SLC24A2: variants seen among roughly 807,000 people sequenced by gnomAD.
The protein encoded by SLC24A2 is sodium/potassium/calcium exchanger 2.
In SLC24A2, 36 loss-of-function variants were observed where a neutral mutation model predicts 62.0. The observed-to-expected ratio is 0.58, with a 90% CI of 0.44 to 0.77. The LOEUF (loss-of-function observed/expected upper bound fraction) is 0.77, where lower values mean the gene tolerates loss of function less well. Among genes scored for constraint, SLC24A2 ranks in the 30% least tolerant of loss-of-function variants. SLC24A2 has a pLI of 0.00. For missense variants in SLC24A2, 846 were observed against 817.9 expected (o/e 1.03, Z -0.42); for synonymous variants, 358 against 294.0 (o/e 1.22, Z -2.23).
the SLC24A2 span, among the ~76,000 whole-genome samples, chr9:20,101,674 C>A: frequency 6.6e-6 from 1 of 152,082 alleles, no homozygotes; most frequent in Non-Finnish European, 1.5e-5. Context: ...CCTGACCTTT[C>A]CCTTTGGGAA....
At chr9:19,525,476 T>A (rs1313891993) in intron 9 of SLC24A2, among the ~76,000 whole-genome samples, 3 of 147,216 alleles carry the variant, frequency 2.0e-5, no homozygotes, top group Non-Finnish European at 4.5e-5. Flanking sequence ...TGATCTTGGC[T>A]CATTGCAGCC....
chr9:20,001,585 C>T, the SLC24A2 span, among the ~76,000 whole-genome samples: 1 of 152,150 alleles, frequency 6.6e-6, no homozygotes, highest in African/African-American at 2.4e-5. Context: ...TCTCAGTCCA[C>T]CCTCCACTGG....
chr9:19,855,356 G>C, the SLC24A2 span, among the ~76,000 whole-genome samples: 1 of 152,058 alleles, frequency 6.6e-6, no homozygotes, highest in African/African-American at 2.4e-5. Flanking sequence ...TTATTTTGCA[G>C]ACTTGTTAAT....
chr9:19,779,593 A>G (rs1464555755), intron 2 of SLC24A2, among the ~76,000 whole-genome samples: 4 of 152,234 alleles, frequency 2.6e-5, no homozygotes, highest in African/African-American at 9.6e-5. Context: ...ATGAATGTAC[A>G]TCAGGAATAG....
chr9:20,242,764 G>T, the SLC24A2 span, among the ~76,000 whole-genome samples: 2 of 152,168 alleles, frequency 1.3e-5, no homozygotes, highest in Non-Finnish European at 2.9e-5. Context: ...AGGAAACATT[G>T]CTCCATTAAT....
chr9:19,992,057 T>C, the SLC24A2 span, among the ~76,000 whole-genome samples: 2 of 152,254 alleles, frequency 1.3e-5, no homozygotes, highest in Admixed American at 1.3e-4. Context: ...TGTCTTATTC[T>C]GTCCTCTAGG....
chr9:19,984,620 C>T, the SLC24A2 span, among the ~76,000 whole-genome samples: 2 of 152,136 alleles, frequency 1.3e-5, no homozygotes, highest in Non-Finnish European at 2.9e-5. Flanking sequence ...GCAGGAGAAT[C>T]TCTGGAACCC....
intron 2 of SLC24A2, among the ~76,000 whole-genome samples, chr9:19,772,787 T>C (rs528023671): frequency 3.9e-5 from 6 of 152,178 alleles, no homozygotes; most frequent in Non-Finnish European, 5.9e-5. Context: ...CAGTTGGCAG[T>C]TCCTCAAAAT....
the SLC24A2 span, among the ~76,000 whole-genome samples, chr9:20,153,049 A>G: frequency 6.6e-6 from 1 of 151,980 alleles, no homozygotes; most frequent in Non-Finnish European, 1.5e-5. Flanking sequence ...AACATTTAAA[A>G]GCAACACATG....
intron 8 of SLC24A2, among the ~76,000 whole-genome samples, chr9:19,548,250 G>C (rs1461420161): frequency 6.8e-6 from 1 of 147,476 alleles, no homozygotes; most frequent in Non-Finnish European, 1.5e-5. Flanking sequence ...TATTCCAAGT[G>C]CTTTTAGAAA....
the SLC24A2 span, among the ~76,000 whole-genome samples, chr9:20,285,394 G>A: frequency 1.3e-5 from 2 of 152,322 alleles, no homozygotes; most frequent in South Asian, 4.1e-4. Context: ...ACCAAGGAAG[G>A]CAATTTAATT....
chr9:19,837,555 A>G, the SLC24A2 span, among the ~76,000 whole-genome samples: 1 of 146,108 alleles, frequency 6.8e-6, no homozygotes, highest in African/African-American at 2.5e-5. Context: ...ACAGTGTTGG[A>G]AGTTCTGGCC....
intron 2 of SLC24A2, among the ~76,000 whole-genome samples, chr9:19,731,516 C>CTCTCTCTCCGT (rs72153360): frequency 1.8e-5 from 2 of 113,710 alleles, no homozygotes; most frequent in African/African-American, 5.2e-5. Context: ...TCTCTCTCTC[C>CTCTCTCTCCGT]GTGTGTGTGT....
At chr9:19,619,742 T>A (rs375152848) in intron 3 of SLC24A2, 50 bp from the exon 4 acceptor site, 1 of 1,381,250 alleles carries the variant, frequency 7.2e-7, no homozygotes, top group Non-Finnish European at 1.0e-6. Context: ...GAAAGACAAG[T>A]GCATTATAGA....
intron 2 of SLC24A2, among the ~76,000 whole-genome samples, chr9:19,741,520 C>A (rs1299148928): frequency 6.6e-6 from 1 of 152,158 alleles, no homozygotes; most frequent in Admixed American, 6.6e-5. Flanking sequence ...CCTCAAGTTT[C>A]CATGTTTTAA....
At chr9:20,109,547 T>C in the SLC24A2 span, among the ~76,000 whole-genome samples, 1 of 152,098 alleles carries the variant, frequency 6.6e-6, no homozygotes, top group Non-Finnish European at 1.5e-5. Flanking sequence ...GGGTACTGAG[T>C]TCCTAATGAA....
chr9:19,953,391 C>G, the SLC24A2 span, among the ~76,000 whole-genome samples: 4 of 152,122 alleles, frequency 2.6e-5, no homozygotes, highest in African/African-American at 9.6e-5. Context: ...CATGGCAGAT[C>G]TGAGAAACAC....
At chr9:19,966,632 A>G in the SLC24A2 span, among the ~76,000 whole-genome samples, 3 of 152,224 alleles carry the variant, frequency 2.0e-5, no homozygotes, top group Non-Finnish European at 4.4e-5. Context: ...AAATGTCACT[A>G]TTGAACTCAC....
chr9:19,557,843 C>T (rs1291930608), intron 7 of SLC24A2, among the ~76,000 whole-genome samples: 4 of 148,494 alleles, frequency 2.7e-5, no homozygotes, highest in Non-Finnish European at 5.9e-5. Context: ...CAGGGTCTCA[C>T]TCTGTCACCT....
Sources: gnomAD v4.1 joint callset for allele counts (sites outside exome capture counted in the v4.1 genomes callset) on GRCh38, gnomAD v4.1.1 for gene constraint, MANE v1.5 for transcripts, NCBI Gene and HGNC (gene_info 2026-07-23, HGNC 2026-07-21) for gene names.